Variants in CFAP300 observed in about 807,000 individuals in gnomAD.
CFAP300 encodes cilia- and flagella-associated protein 300.
In CFAP300, 32 loss-of-function variants were observed where a neutral mutation model predicts 33.0. The observed-to-expected ratio is 0.97, with a 90% CI of 0.73 to 1.30. The LOEUF is 1.30. Ranked by LOEUF, CFAP300 falls within the 50% of genes most tolerant of loss-of-function variation. CFAP300 has a pLI of 0.00. For missense variants in CFAP300, 356 were observed against 318.1 expected (o/e 1.12, Z -0.90); for synonymous variants, 102 against 106.8 (o/e 0.95, Z 0.28).
In CFAP300 at chr11:102,081,426, A is replaced by T. The variant is rs908000598; in HGVS notation, c.675+145A>T. 5.6e-6 allele frequency: 4 copies of T among 708,180 alleles called. No individual in the cohort carries two copies. In the African/African-American group the frequency reaches 7.2e-5, roughly 13 times the overall value. 43.9% of individuals were successfully genotyped at this position (708,180 alleles called of 1,614,324 possible). On this transcript the variant is annotated intron_variant, in intron 6 of 6. Transcript: ENST00000434758. ...AGAGTTTTGTTAAAATTAAAAGTTG[A>T]TAGAGTATGCTTTTGTTTGGAGAAC... is the stretch of plus-strand genomic sequence containing the variant.
rs755462053 is a variant in CFAP300 at position 102,076,041 on chromosome 11, G to T, written c.604G>T (p.Val202Leu). 4 of 1,604,210 alleles carry T rather than the reference G, an allele frequency of 2.5e-6. No individual in the cohort carries two copies. In the South Asian group the frequency reaches 4.5e-5, roughly 18 times the overall value. ...AACAAAGCTTATCTATAAGGATCTG[G>T]TGAGGTAATGTTGCTAGATCACAAT... The part of the protein sequence containing the change: ...ETTKLIYKDL[V>L]SVRKNPQTKK... The change falls in exon 5 of 7, where the codon GTG (valine) becomes TTG (leucine). Residue 202 changes from valine to leucine, a missense_variant. By Grantham distance (32) the Val-to-Leu change is conservative. Transcript: ENST00000434758.
At chr11:102,049,851 G>GA (rs10716793) in intron 2 of CFAP300, among the ~76,000 whole-genome samples, 16 of 145,442 alleles carry the variant, frequency 1.1e-4, no homozygotes, top group Middle Eastern at 3.4e-3. Flanking sequence ...GAAATGTTAA[G>GA]AAAAAAAAAA....
intron 4 of CFAP300, among the ~76,000 whole-genome samples, chr11:102,069,790 G>A (rs912731289): frequency 1.3e-4 from 20 of 151,978 alleles, no homozygotes; most frequent in Admixed American, 1.0e-3. Flanking sequence ...GTGACAGAAC[G>A]AGACTCCATC....
Position 102,047,481 on chromosome 11 carries a change from G to C in CFAP300, c.11G>C (p.Gly4Ala), listed in dbSNP as rs1383418869. ...CCAGCCGAGAGCACGATGGCTACTG[G>C]GGAGCTCGGGGACTTGGGTGGCTAC... MATGELGDLGGYYF... is the reference protein window; with the variant it reads MATAELGDLGGYYF... Residue 4 changes from glycine (G) to alanine (A), a missense_variant, in exon 1 of 7, where the codon GGG (glycine) becomes GCG (alanine). By Grantham distance (60) the Gly-to-Ala change is moderately conservative (BLOSUM62 0). Coordinates refer to ENST00000434758, the MANE Select transcript of CFAP300 (RefSeq NM_032930.3). 6.5e-7 allele frequency: 1 copy of C among 1,535,958 alleles called. No individual in the cohort carries two copies. Among genetic ancestry groups the C allele is most frequent in the African/African-American group, 1.4e-5 (1 of 73,164 alleles).
At chr11:102,069,693 C>T (rs1173993174) in intron 4 of CFAP300, among the ~76,000 whole-genome samples, 1 of 152,044 alleles carries the variant, frequency 6.6e-6, no homozygotes, top group Non-Finnish European at 1.5e-5. Flanking sequence ...ATCCCAGCTA[C>T]TAGGGAGGCT....
At chr11:102,082,391 A>T (rs117827846) in intron 6 of CFAP300, among the ~76,000 whole-genome samples, 4,941 of 146,738 alleles carry the variant, frequency 0.034, 110 homozygotes, top group Admixed American at 0.062. Flanking sequence ...AAAAAAATTT[A>T]AAAAAAAAAA....
chr11:102,069,808 A>G (rs28377827), intron 4 of CFAP300, among the ~76,000 whole-genome samples: 1 of 152,120 alleles, frequency 6.6e-6, no homozygotes, highest in South Asian at 2.1e-4. Flanking sequence ...ATCTAAAAAA[A>G]GAAAAAAAAT....
chr11:102,069,115 C>T (rs1942271271), intron 4 of CFAP300, among the ~76,000 whole-genome samples: 1 of 152,164 alleles, frequency 6.6e-6, no homozygotes, highest in Non-Finnish European at 1.5e-5. Context: ...TATTTATTGC[C>T]ATGAATAGCA....
rs561237622 is a variant in CFAP300, at chr11:102,066,577, C to T, written c.361C>T (p.Arg121Ter). 8.7e-6 allele frequency: 14 copies of T among 1,611,224 alleles called. No homozygotes were observed. Among genetic ancestry groups the T allele is most frequent in the African/African-American group, 5.3e-5 (4 of 74,928 alleles). ...FHRLYDEDIV[R>*]DSGHIVKCLD... ...TCGGTTATATGATGAAGATATTGTA[C>T]GAGACAGTGGACATATTGTTAAATG... Residue 121 changes from arginine to a stop codon, truncating the protein, a stop_gained, in exon 4 of 7, where the codon CGA becomes TGA. Coordinates refer to ENST00000434758, the MANE Select transcript of CFAP300 (RefSeq NM_032930.3). LOFTEE classifies it high-confidence loss of function.
chr11:102,068,876 A>T (rs1424453337), intron 4 of CFAP300, among the ~76,000 whole-genome samples: 1 of 152,202 alleles, frequency 6.6e-6, no homozygotes, highest in Non-Finnish European at 1.5e-5. Flanking sequence ...AGGATTGGAA[A>T]TTACTAATCA....
chr11:102,057,021 G>A (rs7111721), intron 2 of CFAP300, among the ~76,000 whole-genome samples: 83,206 of 151,636 alleles, frequency 0.55, 23,955 homozygotes, highest in East Asian at 0.75. Context: ...TCTGACATGA[G>A]AAAAGAAAAA....
chr11:102,064,439 AAAC>A (rs1486876894), intron 3 of CFAP300, among the ~76,000 whole-genome samples: 10 of 152,174 alleles, frequency 6.6e-5, no homozygotes, highest in Non-Finnish European at 1.3e-4. Flanking sequence ...TCTTACCTCT[AAAC>A]AAAGGAAGCT....
chr11:102,054,849 A>G (rs1942026044), intron 2 of CFAP300, among the ~76,000 whole-genome samples: 1 of 152,058 alleles, frequency 6.6e-6, no homozygotes, highest in African/African-American at 2.4e-5. Context: ...GAAACTATTT[A>G]TAGTAACAAT....
intron 4 of CFAP300, among the ~76,000 whole-genome samples, chr11:102,068,466 G>A (rs886553672): frequency 2.0e-5 from 3 of 152,198 alleles, no homozygotes; most frequent in Non-Finnish European, 4.4e-5. Context: ...TTAGGTAAAT[G>A]AAGTATATCT....
In CFAP300 at chr11:102,058,869, T is replaced by A. The variant is rs1942098068; in HGVS notation, c.193-11T>A. 1.3e-6 allele frequency: 2 copies of A among 1,510,120 alleles called. No homozygotes were observed. The highest frequency in any genetic ancestry group is 1.8e-6 in the Non-Finnish European group (2 of 1,108,132). 93.5% of individuals were successfully genotyped at this position (1,510,120 alleles called of 1,614,324 possible). A position where few individuals can be genotyped will look rare whatever the true frequency, so the allele number is the denominator to read the frequency against. On this transcript the variant is annotated splice_polypyrimidine_tract_variant and intron_variant, in intron 2 of 6. Transcript: ENST00000434758. The stretch of plus-strand genomic sequence containing the variant: ...AATATCTAACTTATTCCCCTCAAAT[T>A]TGTATTTTAGGCTTTTTTCAAAGAC...
At chr11:102,080,609 A>T (rs1365866068) in intron 5 of CFAP300, among the ~76,000 whole-genome samples, 1 of 152,136 alleles carries the variant, frequency 6.6e-6, no homozygotes, top group Non-Finnish European at 1.5e-5. Flanking sequence ...CATGTTGGTC[A>T]GGCTGGTCTC....
At chr11:102,079,489 G>C (rs929590468) in intron 5 of CFAP300, among the ~76,000 whole-genome samples, 1 of 152,172 alleles carries the variant, frequency 6.6e-6, no homozygotes, top group Non-Finnish European at 1.5e-5. Flanking sequence ...ATATCTAGTA[G>C]AGATGAAAAC....
chr11:102,049,143 C>T (rs1188909585), intron 2 of CFAP300, among the ~76,000 whole-genome samples: 2 of 152,324 alleles, frequency 1.3e-5, no homozygotes, highest in South Asian at 2.1e-4. Context: ...TGTCATAGTT[C>T]TGGAGGCTAG....
chr11:102,064,021 C>G (rs551322116), intron 3 of CFAP300, among the ~76,000 whole-genome samples: 1 of 152,286 alleles, frequency 6.6e-6, no homozygotes, highest in South Asian at 2.1e-4. Context: ...CCCAAAGGCC[C>G]CATCTCCAAC....
Sources: allele counts gnomAD v4.1 joint callset (sites outside exome capture counted in the v4.1 genomes callset), GRCh38; gene constraint gnomAD v4.1.1; transcripts MANE v1.5; gene names NCBI Gene and HGNC (gene_info 2026-07-23, HGNC 2026-07-21).